RGS6: variants seen among roughly 807,000 people sequenced by gnomAD.
The protein encoded by RGS6 is regulator of G-protein signaling 6.
In RGS6, 30 loss-of-function variants were observed where a neutral mutation model predicts 78.5. The ratio of observed to expected loss-of-function variants is 0.38; its 90% CI spans 0.29 to 0.52. RGS6 has a LOEUF of 0.52. Ranked by LOEUF, RGS6 falls within the 20% of genes least tolerant of loss-of-function variation. The pLI is 0.85. For synonymous variants in RGS6, 206 were observed against 206.0 expected (o/e 1.00, Z 0.00); for missense variants, 495 against 609.7 (o/e 0.81, Z 1.98).
At chr14:72,143,372 C>CA (rs528429298) in intron 2 of RGS6, among the ~76,000 whole-genome samples, 198 of 149,640 alleles carry the variant, frequency 1.3e-3, no homozygotes, top group African/African-American at 3.7e-3. Context: ...GACTCCATCT[C>CA]AAAAAAAAAC....
chr14:72,624,714 C>T, the RGS6 span, among the ~76,000 whole-genome samples: 2 of 152,178 alleles, frequency 1.3e-5, no homozygotes, highest in Non-Finnish European at 2.9e-5. Flanking sequence ...TTCTCAGTAT[C>T]CTTCAATCTG....
chr14:71,918,858 C>T, the RGS6 span, among the ~76,000 whole-genome samples: 2 of 152,030 alleles, frequency 1.3e-5, no homozygotes, highest in African/African-American at 4.8e-5. Context: ...ATTTTACTGC[C>T]TTCTAAGATA....
At chr14:71,976,999 T>G (rs1383157296) in intron 2 of RGS6, among the ~76,000 whole-genome samples, 1 of 124,632 alleles carries the variant, frequency 8.0e-6, no homozygotes, top group African/African-American at 2.9e-5. Context: ...GATTTGCATT[T>G]CTCTGATGGC....
At chr14:71,946,079 G>C (rs2091464862) in intron 1 of RGS6, among the ~76,000 whole-genome samples, 1 of 152,156 alleles carries the variant, frequency 6.6e-6, no homozygotes, top group Admixed American at 6.5e-5. Context: ...GGTCAAAATA[G>C]AAAGGACGCA....
chr14:72,234,427 A>G (rs74947783), intron 2 of RGS6, among the ~76,000 whole-genome samples: 1 of 152,188 alleles, frequency 6.6e-6, no homozygotes, highest in South Asian at 2.1e-4. Flanking sequence ...GAAAAAAAAA[A>G]CAATTCTGTG....
chr14:72,051,608 T>C (rs1462573494), intron 2 of RGS6, among the ~76,000 whole-genome samples: 1 of 152,068 alleles, frequency 6.6e-6, no homozygotes, highest in African/African-American at 2.4e-5. Flanking sequence ...TGTGTGGCGG[T>C]GAAAGGGGTA....
At chr14:72,425,687 G>A (rs148782065) in intron 3 of RGS6, among the ~76,000 whole-genome samples, 32 of 152,128 alleles carry the variant, frequency 2.1e-4, no homozygotes, top group African/African-American at 7.2e-4. Flanking sequence ...GCACATGTAC[G>A]TACTTTCAAA....
At chr14:72,480,766 C>T (rs1042020188) in intron 12 of RGS6, among the ~76,000 whole-genome samples, 5 of 152,220 alleles carry the variant, frequency 3.3e-5, no homozygotes, top group Non-Finnish European at 7.3e-5. Flanking sequence ...CACGCACATC[C>T]ACATCCACAT....
chr14:71,928,447 C>T (rs1007958639), upstream of RGS6, among the ~76,000 whole-genome samples: 1 of 152,162 alleles, frequency 6.6e-6, no homozygotes, highest in African/African-American at 2.4e-5. Context: ...GTCATGAATG[C>T]GCAGTCTTGG....
intron 2 of RGS6, among the ~76,000 whole-genome samples, chr14:71,980,991 T>C (rs559745378): frequency 2.1e-5 from 3 of 141,926 alleles, no homozygotes; most frequent in African/African-American, 7.8e-5. Flanking sequence ...AAACTTCCCT[T>C]CTCACTTCAT....
At chr14:72,112,944 A>G (rs1256422828) in intron 2 of RGS6, among the ~76,000 whole-genome samples, 3 of 152,234 alleles carry the variant, frequency 2.0e-5, no homozygotes, top group Admixed American at 1.3e-4. Context: ...ATTCCCCTGA[A>G]TCAAATGCAG....
chr14:72,578,588 T>C, the RGS6 span, among the ~76,000 whole-genome samples: 1 of 152,212 alleles, frequency 6.6e-6, no homozygotes, highest in African/African-American at 2.4e-5. Context: ...CAAACATGAA[T>C]TGAGCACCGA....
intron 17 of RGS6, among the ~76,000 whole-genome samples, chr14:72,556,510 A>T (rs114582410): frequency 0.012 from 1,829 of 152,244 alleles, 41 homozygotes; most frequent in African/African-American, 0.042. Flanking sequence ...TACAGGATAG[A>T]GTAAGGTGTC....
chr14:72,590,488 A>G, the RGS6 span, among the ~76,000 whole-genome samples: 2 of 152,178 alleles, frequency 1.3e-5, no homozygotes, highest in South Asian at 4.1e-4. Context: ...GAAGAATCTC[A>G]AAAACGTTAC....
chr14:72,107,349 A>C (rs2095654941), intron 2 of RGS6, among the ~76,000 whole-genome samples: 1 of 152,124 alleles, frequency 6.6e-6, no homozygotes, highest in African/African-American at 2.4e-5. Flanking sequence ...GGCCAGTGGG[A>C]GCCTCTTCAA....
At chr14:72,263,082 T>G (rs1009373651) in intron 2 of RGS6, among the ~76,000 whole-genome samples, 1 of 152,132 alleles carries the variant, frequency 6.6e-6, no homozygotes, top group African/African-American at 2.4e-5. Flanking sequence ...TCTGGGTGGT[T>G]ATGGGCTGGC....
chr14:72,166,605 G>A lies in RGS6; in HGVS notation c.85-185490G>A, dbSNP rs543962658. Among the ~76,000 whole-genome samples the A allele has an allele frequency of 3.3e-5, 5 of 152,322 alleles. No homozygotes were observed. The South Asian group carries it at 1.0e-3, about 32-fold the overall frequency. On this transcript the variant is annotated intron_variant, in intron 2 of 17. Transcript: ENST00000553525. The stretch of plus-strand genomic sequence containing the variant: ...TGTTAGACTTTAGAAATAGACCAAG[G>A]ATGGAGGGAGGTTTGAGAAATCTAA...
At chr14:72,208,346 G>A (rs2043184937) in intron 2 of RGS6, among the ~76,000 whole-genome samples, 1 of 152,174 alleles carries the variant, frequency 6.6e-6, no homozygotes, top group Admixed American at 6.5e-5. Context: ...GTGATACTGG[G>A]ATGAGCCTTT....
At chr14:72,381,313 CAA>C (rs946462463) in intron 3 of RGS6, among the ~76,000 whole-genome samples, 1 of 151,680 alleles carries the variant, frequency 6.6e-6, no homozygotes, top group Non-Finnish European at 1.5e-5. Flanking sequence ...GTTTTCAACA[CAA>C]AAAAAGATAA....
Sources: allele counts gnomAD v4.1 joint callset (sites outside exome capture counted in the v4.1 genomes callset), GRCh38; gene constraint gnomAD v4.1.1; transcripts MANE v1.5; gene names NCBI Gene and HGNC (gene_info 2026-07-23, HGNC 2026-07-21).